TMEM178B: variants seen among roughly 807,000 people sequenced by gnomAD.
The protein encoded by TMEM178B is transmembrane protein 178B.
In TMEM178B, 5 loss-of-function variants were observed where a neutral mutation model predicts 31.0. That is an observed-to-expected ratio of 0.16 (90% CI 0.08 to 0.34). The LOEUF is 0.34. Ranked by LOEUF, TMEM178B falls within the 10% of genes least tolerant of loss-of-function variation. The pLI is 1.00. For missense variants in TMEM178B, 275 were observed against 400.3 expected, an observed-to-expected ratio of 0.69 and a Z score of 2.67; for synonymous variants, 164 against 164.0, an observed-to-expected ratio of 1.00 and a Z score of 0.00.
At chr7:141,123,199 G>A (rs538845450) in intron 1 of TMEM178B, among the ~76,000 whole-genome samples, 1 of 152,316 alleles carries the variant, frequency 6.6e-6, no homozygotes, top group African/African-American at 2.4e-5. Context: ...CCACCTTGTG[G>A]GAAAAGAGAC....
intron 2 of TMEM178B, among the ~76,000 whole-genome samples, chr7:141,229,467 A>G (rs1271524980): frequency 6.6e-6 from 1 of 152,034 alleles, no homozygotes; most frequent in Non-Finnish European, 1.5e-5. Flanking sequence ...TTTCTTCCTC[A>G]TTACATTAAT....
intron 1 of TMEM178B, among the ~76,000 whole-genome samples, chr7:141,100,041 G>T (rs1013709385): frequency 1.3e-5 from 2 of 152,002 alleles, no homozygotes; most frequent in East Asian, 3.9e-4. Context: ...GGATGGTCTC[G>T]ATCTCCTGAC....
At chr7:141,227,039 A>C (rs1215071694) in intron 2 of TMEM178B, among the ~76,000 whole-genome samples, 1 of 152,152 alleles carries the variant, frequency 6.6e-6, no homozygotes, top group African/African-American at 2.4e-5. Context: ...GCTGGTCCTT[A>C]GTGCCCAGTG....
Position 141,473,582 on chromosome 7 carries a change from A to G in TMEM178B, c.*2796A>G, listed in dbSNP as rs1348791883. On this transcript the variant is annotated 3_prime_UTR_variant, in exon 4 of 4. Transcript: ENST00000565468. ...TGTCTTTGTGACAGACATTTAGCAA[A>G]GCTTACTGCATCCCTTTGAAACCTT... 6.6e-6 allele frequency: 1 copy of G among 152,194 alleles called. No individual in the cohort carries two copies. Among genetic ancestry groups the G allele is most frequent in the Non-Finnish European group, 1.5e-5 (1 of 68,042 alleles). The allele number at this position is 152,194 out of a possible 1,614,324, so 9.4% of individuals were successfully genotyped here. A position where few individuals can be genotyped will look rare whatever the true frequency, so the allele number is the denominator to read the frequency against.
chr7:141,296,990 A>G (rs1347278634), intron 2 of TMEM178B: 1 of 152,184 alleles, frequency 6.6e-6, no homozygotes, highest in Non-Finnish European at 1.5e-5. Flanking sequence ...TCTTAGTTCT[A>G]TTTGTTTTCT....
intron 2 of TMEM178B, among the ~76,000 whole-genome samples, chr7:141,393,355 G>A (rs1363191743): frequency 6.6e-6 from 1 of 152,144 alleles, no homozygotes; most frequent in African/African-American, 2.4e-5. Flanking sequence ...GAAACCAGGA[G>A]AAAGAAAACT....
intron 3 of TMEM178B, among the ~76,000 whole-genome samples, chr7:141,464,181 G>T (rs1802110430): frequency 6.6e-6 from 1 of 152,094 alleles, no homozygotes; most frequent in Admixed American, 6.5e-5. Flanking sequence ...TGAAAGGAGG[G>T]GACCTTTGGG....
intron 3 of TMEM178B, among the ~76,000 whole-genome samples, chr7:141,460,526 C>T (rs933536868): frequency 2.6e-5 from 4 of 152,140 alleles, no homozygotes; most frequent in South Asian, 2.1e-4. Flanking sequence ...CATGGCCATC[C>T]GTAGATGTGT....
intron 2 of TMEM178B, among the ~76,000 whole-genome samples, chr7:141,433,759 C>T (rs1177901179): frequency 1.3e-5 from 2 of 152,218 alleles, no homozygotes; most frequent in Non-Finnish European, 2.9e-5. Flanking sequence ...CTTGTCCTAT[C>T]TACCTTATAA....
intron 2 of TMEM178B, among the ~76,000 whole-genome samples, chr7:141,262,418 C>G (rs188347459): frequency 2.7e-5 from 4 of 149,922 alleles, no homozygotes; most frequent in South Asian, 4.2e-4. Flanking sequence ...GAGAAAGCGA[C>G]AGCTTTTTCT....
At chr7:141,394,822 A>G (rs1586932054) in intron 2 of TMEM178B, among the ~76,000 whole-genome samples, 1 of 152,144 alleles carries the variant, frequency 6.6e-6, no homozygotes, top group South Asian at 2.1e-4. Context: ...CTTTTTATAT[A>G]TATTTTTTCT....
At chr7:141,097,952 T>G (rs1196712442) in intron 1 of TMEM178B, among the ~76,000 whole-genome samples, 2 of 151,804 alleles carry the variant, frequency 1.3e-5, no homozygotes, top group Non-Finnish European at 2.9e-5. Flanking sequence ...CCACCATGCC[T>G]GGCTAATTTT....
chr7:141,211,078 T>C (rs1797045460), intron 1 of TMEM178B, among the ~76,000 whole-genome samples: 1 of 152,110 alleles, frequency 6.6e-6, no homozygotes, highest in South Asian at 2.1e-4. Context: ...AAGTGGAGAC[T>C]GGCTGGTAGA....
At chr7:141,396,246 C>A (rs954714222) in intron 2 of TMEM178B, among the ~76,000 whole-genome samples, 1 of 152,166 alleles carries the variant, frequency 6.6e-6, no homozygotes, top group Admixed American at 6.5e-5. Flanking sequence ...AGTCTTCTTG[C>A]GTGCCTCCCC....
At chr7:141,233,516 C>T (rs1461438622) in intron 2 of TMEM178B, among the ~76,000 whole-genome samples, 2 of 152,190 alleles carry the variant, frequency 1.3e-5, no homozygotes, top group Non-Finnish European at 2.9e-5. Flanking sequence ...GCTACTCCTT[C>T]TCAGGGTTCC....
At chr7:141,448,147 C>T (rs1801796264) in intron 3 of TMEM178B, among the ~76,000 whole-genome samples, 1 of 151,984 alleles carries the variant, frequency 6.6e-6, no homozygotes, top group African/African-American at 2.4e-5. Context: ...TTCCTTATGT[C>T]AAAAGCTACT....
In TMEM178B at chr7:141,126,123, C is replaced by T. The variant is rs138563769; in HGVS notation, c.382+51431C>T. On this transcript the variant is annotated intron_variant, in intron 1 of 3. Coordinates refer to ENST00000565468, the MANE Select transcript of TMEM178B (RefSeq NM_001195278.2). ...TCAAATAGTTGGTTTGGTAGGAGTT[C>T]GGAGAAAGGAGAGGACGTCTTGGAT... 3.4e-3 allele frequency among the ~76,000 whole-genome samples: 520 copies of T among 151,992 alleles called. 8 individuals carry two copies. The highest frequency in any genetic ancestry group is 0.012 in the African/African-American group (485 of 41,438).
At chr7:141,144,716 G>A (rs1380702693) in intron 1 of TMEM178B, among the ~76,000 whole-genome samples, 1 of 152,126 alleles carries the variant, frequency 6.6e-6, no homozygotes, top group Non-Finnish European at 1.5e-5. Context: ...GGTAGGGTAA[G>A]CTGGGCTCAG....
Position 141,422,282 on chromosome 7 carries a change from T to C in TMEM178B, c.497-15326T>C, listed in dbSNP as rs1801226534. On this transcript the variant is annotated intron_variant, in intron 2 of 3. Transcript: ENST00000565468. This position sits in a 1 kb window ranked among gnomAD's most constrained non-coding sequence, Gnocchi z 4.2. ...CCAAAGGCTGGCTCTCCCTCTCTTG[T>C]ACAGGACTTTTGGGGTTCCTTTGGG... Among the ~76,000 whole-genome samples the C allele has an allele frequency of 6.6e-6, 1 of 152,222 alleles. No homozygotes were observed. Among genetic ancestry groups the C allele is most frequent in the Non-Finnish European group, 1.5e-5 (1 of 68,044 alleles).
Sources: gnomAD v4.1 joint callset for allele counts (sites outside exome capture counted in the v4.1 genomes callset) on GRCh38, gnomAD v4.1.1 for gene constraint, Gnocchi (gnomAD v3.1) non-coding constraint, MANE v1.5 for transcripts, NCBI Gene and HGNC (gene_info 2026-07-23, HGNC 2026-07-21) for gene names.